SYT1: variants seen among roughly 807,000 people sequenced by gnomAD.
SYT1 encodes synaptotagmin-1.
In SYT1, 8 loss-of-function variants were observed where a neutral mutation model predicts 44.8. The ratio of observed to expected loss-of-function variants is 0.18; its 90% CI spans 0.10 to 0.32. The LOEUF (loss-of-function observed/expected upper bound fraction) is 0.32, where lower values mean the gene tolerates loss of function less well. SYT1 is among the 10% of genes least tolerant of loss of function. The pLI is 1.00. For synonymous variants in SYT1, 154 were observed against 188.8 expected (o/e 0.82, Z 1.51); for missense variants, 286 against 509.3 (o/e 0.56, Z 4.22).
chr12:79,043,526 A>C (rs1237501527), intron 2 of SYT1, among the ~76,000 whole-genome samples: 3 of 150,412 alleles, frequency 2.0e-5, no homozygotes, highest in African/African-American at 7.4e-5. Context: ...GTGTCTCTGC[A>C]TGTGAGATGG....
chr12:79,207,931 C>T (rs1874222235), intron 3 of SYT1, among the ~76,000 whole-genome samples: 1 of 152,140 alleles, frequency 6.6e-6, no homozygotes, highest in Non-Finnish European at 1.5e-5. Flanking sequence ...ATGAAATTTG[C>T]AAGTTGGTAA....
intron 9 of SYT1, among the ~76,000 whole-genome samples, chr12:79,390,232 C>T (rs1207072922): frequency 6.6e-6 from 1 of 152,146 alleles, no homozygotes; most frequent in Non-Finnish European, 1.5e-5. Flanking sequence ...CGCGCCCGGC[C>T]TCCAATAATT....
At chr12:79,098,293 CT>C (rs1424038428) in intron 3 of SYT1, among the ~76,000 whole-genome samples, 2 of 151,990 alleles carry the variant, frequency 1.3e-5, no homozygotes, top group East Asian at 3.9e-4. Context: ...AAAGTGGCCC[CT>C]AATAATTCTA....
intron 3 of SYT1, among the ~76,000 whole-genome samples, chr12:79,148,432 A>T (rs1389078538): frequency 6.6e-6 from 1 of 152,154 alleles, no homozygotes; most frequent in Non-Finnish European, 1.5e-5. Context: ...CTTGAAATTG[A>T]CACTTTTAAT....
chr12:79,334,294 A>G (rs1018473406), intron 8 of SYT1, among the ~76,000 whole-genome samples: 1 of 152,148 alleles, frequency 6.6e-6, no homozygotes, highest in Non-Finnish European at 1.5e-5. Context: ...CTATATTCAT[A>G]TGGTGCACAC....
chr12:79,301,465 G>A (rs1484346239), intron 8 of SYT1, among the ~76,000 whole-genome samples: 2 of 152,084 alleles, frequency 1.3e-5, no homozygotes, highest in Non-Finnish European at 2.9e-5. Flanking sequence ...TAGGGGTTTA[G>A]GTAAACTGCC....
At chr12:79,224,505 G>A (rs1021251952) in intron 4 of SYT1, among the ~76,000 whole-genome samples, 2 of 151,950 alleles carry the variant, frequency 1.3e-5, no homozygotes, top group African/African-American at 2.4e-5. Flanking sequence ...ATAGAACCAA[G>A]GCCCTTAGGT....
rs371470073 is a variant in SYT1 at position 79,188,838 on chromosome 12, T to C, written c.-17-28665T>C. ...AAGTAAAAATCCAATGAATGTGGAG[T>C]AGTTGTCTAGGAGATGTAACTGGAA... On this transcript the variant is annotated intron_variant, in intron 3 of 10. Coordinates refer to ENST00000261205, the MANE Select transcript of SYT1 (RefSeq NM_005639.3). 2.6e-5 allele frequency among the ~76,000 whole-genome samples: 4 copies of C among 152,194 alleles called. No homozygotes were observed. The South Asian group carries it at 6.2e-4, about 24-fold the overall frequency.
chr12:79,192,165 C>T (rs1215553699), intron 3 of SYT1, among the ~76,000 whole-genome samples: 1 of 152,040 alleles, frequency 6.6e-6, no homozygotes, highest in Non-Finnish European at 1.5e-5. Context: ...GTCAGAAATA[C>T]CTAGCAAGGA....
intron 3 of SYT1, 30 bp from the exon 4 acceptor site, chr12:79,217,473 T>C: frequency 6.7e-7 from 1 of 1,497,698 alleles, no homozygotes; most frequent in East Asian, 2.4e-5. Flanking sequence ...CATTTTGAAT[T>C]GTTCTGTCTT....
At chr12:79,098,668 G>A (rs1462735341) in intron 3 of SYT1, among the ~76,000 whole-genome samples, 1 of 152,090 alleles carries the variant, frequency 6.6e-6, no homozygotes, top group African/African-American at 2.4e-5. Context: ...TTCCATCCTT[G>A]GGCTCTTGGC....
At chr12:79,437,626 A>G (rs1870166745) in intron 9 of SYT1, among the ~76,000 whole-genome samples, 1 of 152,138 alleles carries the variant, frequency 6.6e-6, no homozygotes, top group Admixed American at 6.5e-5. Context: ...CACTTACTGA[A>G]TTTTGTACCT....
At chr12:79,302,325 T>C (rs1476926744) in intron 8 of SYT1, among the ~76,000 whole-genome samples, 1 of 152,166 alleles carries the variant, frequency 6.6e-6, no homozygotes, top group Non-Finnish European at 1.5e-5. Context: ...TGCCGGAGAC[T>C]TGGATTTAAA....
At chr12:79,179,500 G>GATATATCC (rs1565842406) in intron 3 of SYT1, among the ~76,000 whole-genome samples, 2 of 104,200 alleles carry the variant, frequency 1.9e-5, no homozygotes, top group Non-Finnish European at 3.6e-5. Context: ...TATCTATATA[G>GATATATCC]ATATAGATAT....
At chr12:79,238,088 A>G (rs1876291597) in intron 4 of SYT1, among the ~76,000 whole-genome samples, 1 of 152,164 alleles carries the variant, frequency 6.6e-6, no homozygotes, top group African/African-American at 2.4e-5. Flanking sequence ...ATGAGGTATC[A>G]TCAGAGTTTT....
At chr12:79,066,041 C>T (rs1428578798) in intron 3 of SYT1, among the ~76,000 whole-genome samples, 1 of 151,956 alleles carries the variant, frequency 6.6e-6, no homozygotes, top group African/African-American at 2.4e-5. Context: ...CACATATATA[C>T]CCACATGCAT....
chr12:79,031,095 T>C (rs1872802022), intron 2 of SYT1, among the ~76,000 whole-genome samples: 1 of 151,008 alleles, frequency 6.6e-6, no homozygotes, highest in South Asian at 2.1e-4. Flanking sequence ...AAAAAATGAT[T>C]TACATAAATA....
At chr12:79,081,312 AG>A (rs1200291158) in intron 3 of SYT1, among the ~76,000 whole-genome samples, 5 of 152,170 alleles carry the variant, frequency 3.3e-5, no homozygotes, top group Non-Finnish European at 7.3e-5. Flanking sequence ...TATAAAGAAA[AG>A]AAAAAAGCAA....
chr12:79,048,503 C>T (rs934483863), intron 3 of SYT1, among the ~76,000 whole-genome samples: 5 of 151,654 alleles, frequency 3.3e-5, no homozygotes, highest in Non-Finnish European at 7.4e-5. Flanking sequence ...TTTCTTTTAC[C>T]TGCCTGTCTG....
Sources: gnomAD v4.1 joint callset for allele counts (sites outside exome capture counted in the v4.1 genomes callset) on GRCh38, gnomAD v4.1.1 for gene constraint, MANE v1.5 for transcripts, NCBI Gene and HGNC (gene_info 2026-07-23, HGNC 2026-07-21) for gene names.